The following MGMT variants were observed in gnomAD, a reference collection of about 807,000 sequenced individuals.
MGMT encodes the protein methylated-DNA--protein-cysteine methyltransferase.
A neutral mutation model predicts 15.9 loss-of-function variants in MGMT; 14 were observed. The observed-to-expected ratio is 0.88, with a 90% CI of 0.58 to 1.37. MGMT has a LOEUF of 1.37. Among genes scored for constraint, MGMT ranks in the 40% most tolerant of loss-of-function variants. The probability of loss-of-function intolerance (pLI) is 0.00; values close to 1 mark genes in which losing one functional copy is unlikely to be tolerated. For missense variants in MGMT, 282 were observed against 268.1 expected, an observed-to-expected ratio of 1.05 and a Z score of -0.36; for synonymous variants, 130 against 118.2, an observed-to-expected ratio of 1.10 and a Z score of -0.65.
chr10:129,683,608 C>A (rs898296271), intron 2 of MGMT, among the ~76,000 whole-genome samples: 3 of 152,094 alleles, frequency 2.0e-5, no homozygotes, highest in Admixed American at 2.0e-4. Flanking sequence ...TATTTTAACT[C>A]AAGAATGTGT....
intron 2 of MGMT, among the ~76,000 whole-genome samples, chr10:129,663,357 A>G (rs1847622287): frequency 6.6e-6 from 1 of 152,242 alleles, no homozygotes; most frequent in Admixed American, 6.5e-5. Flanking sequence ...TGATTAGAGA[A>G]TTCATGACTG....
chr10:129,584,369 C>T (rs1418999145), intron 2 of MGMT, among the ~76,000 whole-genome samples: 1 of 152,068 alleles, frequency 6.6e-6, no homozygotes, highest in South Asian at 2.1e-4. Flanking sequence ...CCAGCACACA[C>T]GAATCAGGAG....
chr10:129,621,724 TTTGA>T lies in MGMT; in HGVS notation c.125+85351_125+85354del, dbSNP rs761984965. 4.6e-5 allele frequency among the ~76,000 whole-genome samples: 7 copies of T among 152,366 alleles called. No homozygotes were observed. In the East Asian group the frequency reaches 5.8e-4, roughly 13 times the overall value. ...CAGCAGAGCTGTAAGTGAAATGTAC[TTTGA>T]TTGTTTGTTGAACATCCTTGCCACC... On this transcript the variant is annotated intron_variant, in intron 2 of 4. Coordinates refer to ENST00000651593, the MANE Select transcript of MGMT (RefSeq NM_002412.5).
chr10:129,510,901 G>A (rs61743339), intron 1 of MGMT, among the ~76,000 whole-genome samples: 10,201 of 150,418 alleles, frequency 0.068, 1,117 homozygotes, highest in African/African-American at 0.24. Context: ...TGGGAACCCC[G>A]TATACCAGAC....
chr10:129,730,041 G>C (rs1273215564), intron 3 of MGMT, among the ~76,000 whole-genome samples: 1 of 152,172 alleles, frequency 6.6e-6, no homozygotes, highest in Non-Finnish European at 1.5e-5. Context: ...TAGAAGCAGC[G>C]TGAAGTGTCT....
intron 2 of MGMT, among the ~76,000 whole-genome samples, chr10:129,589,682 A>G (rs1269057402): frequency 6.6e-6 from 1 of 152,202 alleles, no homozygotes; most frequent in African/African-American, 2.4e-5. Context: ...GGGCTGCTTA[A>G]CGCTCACATG....
At chr10:129,505,358 T>C (rs1845615004) in intron 1 of MGMT, among the ~76,000 whole-genome samples, 1 of 152,178 alleles carries the variant, frequency 6.6e-6, no homozygotes, top group South Asian at 2.1e-4. Context: ...TAGGCTAGTG[T>C]GAAGTTACAT....
chr10:129,553,954 A>G (rs1199046846), intron 2 of MGMT, among the ~76,000 whole-genome samples: 3 of 152,262 alleles, frequency 2.0e-5, no homozygotes, highest in Non-Finnish European at 2.9e-5. Context: ...TACAAAGAGC[A>G]GCATGAGGAA....
At chr10:129,473,442 C>A (rs971275905) in intron 1 of MGMT, among the ~76,000 whole-genome samples, 1 of 152,170 alleles carries the variant, frequency 6.6e-6, no homozygotes, top group African/African-American at 2.4e-5. Flanking sequence ...AAGGAGAAGG[C>A]GCTGTGAGTG....
At chr10:129,656,034 C>T (rs1400174254) in intron 2 of MGMT, among the ~76,000 whole-genome samples, 1 of 152,212 alleles carries the variant, frequency 6.6e-6, no homozygotes, top group Non-Finnish European at 1.5e-5. Context: ...TAGCCAAGCT[C>T]TTCACCGGAC....
Position 129,708,018 on chromosome 10 carries a change from T to G in MGMT, c.249T>G (p.Ala83=). 1 of 1,613,414 alleles carries G rather than the reference T, an allele frequency of 6.2e-7. No individual in the cohort carries two copies. Residue 83 remains alanine, a synonymous_variant, in exon 3 of 5, where the codon GCT becomes GCG. Transcript: ENST00000651593. ...PEAIEEFPVP[A]LHHPVFQQES... is the part of the protein sequence containing the mutation. ...CTATCGAAGAGTTCCCCGTGCCGGCTCTTCACCATCCCGTTTTCCAGCAAG... is the reference window on the plus strand; with the variant it reads ...CTATCGAAGAGTTCCCCGTGCCGGCGCTTCACCATCCCGTTTTCCAGCAAG...
At chr10:129,756,097 C>T (rs900356854) in intron 3 of MGMT, among the ~76,000 whole-genome samples, 22 of 152,206 alleles carry the variant, frequency 1.4e-4, no homozygotes, top group Admixed American at 3.3e-4. Context: ...GCATCCAGAC[C>T]CTTGGCGGAG....
At chr10:129,654,104 G>A (rs999067164) in intron 2 of MGMT, among the ~76,000 whole-genome samples, 11 of 152,282 alleles carry the variant, frequency 7.2e-5, no homozygotes, top group East Asian at 5.8e-4. Flanking sequence ...TGCCCACCTC[G>A]GTGGCTGCCT....
chr10:129,765,472 G>A (rs189063280), intron 4 of MGMT, among the ~76,000 whole-genome samples: 1 of 152,320 alleles, frequency 6.6e-6, no homozygotes, highest in East Asian at 1.9e-4. Flanking sequence ...ATATGTTACT[G>A]CCTTGTCTTT....
chr10:129,561,732 C>G (rs1367898562), intron 2 of MGMT, among the ~76,000 whole-genome samples: 3 of 152,094 alleles, frequency 2.0e-5, no homozygotes, highest in East Asian at 3.9e-4. Flanking sequence ...TGTTACCATT[C>G]TCTTTCCTTA....
chr10:129,491,840 GTTGTCTGT>G (rs1845471778), intron 1 of MGMT, among the ~76,000 whole-genome samples: 1 of 151,762 alleles, frequency 6.6e-6, no homozygotes. Context: ...TCCCACTTAT[GTTGTCTGT>G]CTTTTCCTCT....
intron 2 of MGMT, among the ~76,000 whole-genome samples, chr10:129,675,554 G>A (rs921449008): frequency 2.0e-5 from 3 of 152,178 alleles, no homozygotes; most frequent in African/African-American, 2.4e-5. Flanking sequence ...ATCAGAAGGG[G>A]AAACAGAGCA....
intron 2 of MGMT, among the ~76,000 whole-genome samples, chr10:129,658,604 T>A (rs768910127): frequency 1.3e-4 from 20 of 152,336 alleles, no homozygotes; most frequent in Middle Eastern, 6.8e-3. Flanking sequence ...AAGCCCAGCC[T>A]GCTCTTTAAA....
At chr10:129,640,305 C>T (rs1390419572) in intron 2 of MGMT, among the ~76,000 whole-genome samples, 1 of 152,046 alleles carries the variant, frequency 6.6e-6, no homozygotes, top group Non-Finnish European at 1.5e-5. Flanking sequence ...ACCATATTGG[C>T]CAGGCTGGTC....
Sources: gnomAD v4.1 joint callset for allele counts (sites outside exome capture counted in the v4.1 genomes callset) on GRCh38, gnomAD v4.1.1 for gene constraint, MANE v1.5 for transcripts, NCBI Gene and HGNC (gene_info 2026-07-23, HGNC 2026-07-21) for gene names.